ARMH3: variants seen among roughly 807,000 people sequenced by gnomAD.
The protein encoded by ARMH3 is armadillo-like helical domain-containing protein 3.
A neutral mutation model predicts 99.1 loss-of-function variants in ARMH3; 60 were observed. That is an observed-to-expected ratio of 0.61 (90% CI 0.49 to 0.75). The LOEUF is 0.75. ARMH3 is among the 30% of genes least tolerant of loss of function. ARMH3 has a pLI of 0.00. For missense variants in ARMH3, 679 were observed against 843.1 expected (o/e 0.81, Z 2.41); for synonymous variants, 285 against 292.8 (o/e 0.97, Z 0.27).
intron 23 of ARMH3, among the ~76,000 whole-genome samples, chr10:101,911,500 A>G (rs1171934807): frequency 2.6e-5 from 4 of 152,078 alleles, no homozygotes; most frequent in African/African-American, 9.7e-5. Context: ...TGCTCAGGGG[A>G]CTGAGGCGGG....
rs879493595 is a variant in ARMH3, at chr10:102,033,456, C to G, written c.103-117G>C. 12 of 1,147,410 alleles carry G rather than the reference C, an allele frequency of 1.0e-5. No homozygotes were observed. The South Asian group carries it at 1.8e-4, about 17-fold the overall frequency. 71.1% of individuals were successfully genotyped at this position (1,147,410 alleles called of 1,614,324 possible). ...TTTTTTTGAGATGGAATCTCGCTGT[C>G]GCCCAGGCTGGAGTACAGTGGCGTG... On this transcript the variant is annotated intron_variant, in intron 2 of 25. Coordinates refer to ENST00000370033, the MANE Select transcript of ARMH3 (RefSeq NM_024541.3).
intron 16 of ARMH3, among the ~76,000 whole-genome samples, chr10:101,994,229 A>G (rs1191804359): frequency 6.6e-6 from 1 of 152,224 alleles, no homozygotes; most frequent in Admixed American, 6.5e-5. Context: ...CTCCAATTAC[A>G]AGGAACTGTT....
chr10:101,999,452 A>G (rs914117452), intron 15 of ARMH3, among the ~76,000 whole-genome samples: 3 of 152,142 alleles, frequency 2.0e-5, no homozygotes, highest in Admixed American at 6.5e-5. Context: ...TAGGCCTCCC[A>G]AAGTGCTGGG....
chr10:101,900,958 T>C (rs2067960011), intron 23 of ARMH3, among the ~76,000 whole-genome samples: 2 of 152,014 alleles, frequency 1.3e-5, no homozygotes, highest in South Asian at 4.2e-4. Flanking sequence ...TACTCCAGCC[T>C]GGGCAACAGA....
intron 22 of ARMH3, among the ~76,000 whole-genome samples, chr10:101,948,873 T>C (rs537068387): frequency 2.5e-4 from 38 of 151,968 alleles, no homozygotes; most frequent in Admixed American, 1.6e-3. Flanking sequence ...TTTTGAAGCA[T>C]TGAAATAATA....
chr10:101,966,858 A>G (rs111457052), intron 20 of ARMH3, among the ~76,000 whole-genome samples: 73 of 152,344 alleles, frequency 4.8e-4, no homozygotes, highest in African/African-American at 1.7e-3. Flanking sequence ...GGAACAAGCC[A>G]ACCACAGGAA....
intron 8 of ARMH3, among the ~76,000 whole-genome samples, chr10:102,020,644 C>T (rs1423736030): frequency 7.0e-6 from 1 of 142,602 alleles, no homozygotes; most frequent in African/African-American, 2.6e-5. Flanking sequence ...CGAGATCACA[C>T]AACTGCACTC....
chr10:102,046,567 G>A (rs2067558507), intron 1 of ARMH3, among the ~76,000 whole-genome samples: 1 of 152,078 alleles, frequency 6.6e-6, no homozygotes, highest in Non-Finnish European at 1.5e-5. Flanking sequence ...CAGAAGAATC[G>A]CTTGAACCGA....
intron 2 of ARMH3, among the ~76,000 whole-genome samples, chr10:102,038,428 T>C (rs1373524040): frequency 6.6e-6 from 1 of 152,136 alleles, no homozygotes; most frequent in Admixed American, 6.6e-5. Context: ...CACCTACTTA[T>C]TTTCTCTGTA....
At chr10:101,927,023 A>G (rs1843534283) in intron 23 of ARMH3, among the ~76,000 whole-genome samples, 1 of 152,100 alleles carries the variant, frequency 6.6e-6, no homozygotes, top group Non-Finnish European at 1.5e-5. Context: ...CCTTTCTTCT[A>G]CACTGCTTCT....
chr10:101,963,188 G>A (rs1845379498), intron 20 of ARMH3, among the ~76,000 whole-genome samples: 1 of 147,476 alleles, frequency 6.8e-6, no homozygotes, highest in South Asian at 2.2e-4. Context: ...TGTTGCCGAG[G>A]CTGGAGTGCA....
chr10:101,945,604 G>A (rs1198373168), intron 22 of ARMH3, among the ~76,000 whole-genome samples: 2 of 151,958 alleles, frequency 1.3e-5, no homozygotes, highest in Non-Finnish European at 2.9e-5. Context: ...TGTAATCCCA[G>A]CTACTCCAGA....
At chr10:101,906,489 T>G (rs1164230220) in intron 23 of ARMH3, among the ~76,000 whole-genome samples, 1 of 152,160 alleles carries the variant, frequency 6.6e-6, no homozygotes, top group African/African-American at 2.4e-5. Context: ...TCTTATAACA[T>G]GAGAGATTAT....
intron 15 of ARMH3, among the ~76,000 whole-genome samples, chr10:101,999,991 G>A (rs948956632): frequency 3.3e-5 from 5 of 152,110 alleles, no homozygotes; most frequent in African/African-American, 1.2e-4. Context: ...GCTAAGGCAG[G>A]AGAATGGCTT....
At chr10:101,985,186 A>G (rs571756470) in intron 19 of ARMH3, among the ~76,000 whole-genome samples, 3 of 147,712 alleles carry the variant, frequency 2.0e-5, no homozygotes, top group Middle Eastern at 3.6e-3. Context: ...ATATGAATAT[A>G]TATGTGTGTA....
At chr10:102,045,256 A>G (rs1362558236) in intron 1 of ARMH3, among the ~76,000 whole-genome samples, 1 of 152,086 alleles carries the variant, frequency 6.6e-6, no homozygotes, top group Non-Finnish European at 1.5e-5. Context: ...GGGCACAAGC[A>G]CTGGGAACAC....
At chr10:102,019,986 C>G (rs897859412) in intron 8 of ARMH3, among the ~76,000 whole-genome samples, 1 of 151,356 alleles carries the variant, frequency 6.6e-6, no homozygotes, top group African/African-American at 2.4e-5. Flanking sequence ...TTTAGGAGGC[C>G]AAGGCAGGTG....
intron 24 of ARMH3, among the ~76,000 whole-genome samples, chr10:101,853,463 G>C (rs2066655585): frequency 6.6e-6 from 1 of 152,160 alleles, no homozygotes; most frequent in Admixed American, 6.5e-5. Flanking sequence ...CTGGGACATG[G>C]TGAGGGCCAC....
chr10:101,997,429 T>A (rs899164809), intron 15 of ARMH3, among the ~76,000 whole-genome samples: 2 of 151,646 alleles, frequency 1.3e-5, no homozygotes, highest in African/African-American at 2.4e-5. Context: ...CCATCTCTAC[T>A]AAAATACAAA....
Sources: allele counts gnomAD v4.1 joint callset (sites outside exome capture counted in the v4.1 genomes callset), GRCh38; gene constraint gnomAD v4.1.1; transcripts MANE v1.5; gene names NCBI Gene and HGNC (gene_info 2026-07-23, HGNC 2026-07-21).